CNTN5: variants seen among roughly 807,000 people sequenced by gnomAD.
CNTN5 encodes contactin-5.
In CNTN5, 77 loss-of-function variants were observed where a neutral mutation model predicts 129.1. The ratio of observed to expected loss-of-function variants is 0.60; its 90% CI spans 0.50 to 0.72. The LOEUF (loss-of-function observed/expected upper bound fraction) is 0.72. CNTN5 is among the 30% of genes least tolerant of loss of function. CNTN5 has a pLI of 0.00. For missense variants in CNTN5, 1,478 were observed against 1,328.8 expected (o/e 1.11, Z -1.75); for synonymous variants, 509 against 465.6 (o/e 1.09, Z -1.20).
At chr11:99,796,615 A>G (rs1945950195) in intron 3 of CNTN5, among the ~76,000 whole-genome samples, 1 of 151,288 alleles carries the variant, frequency 6.6e-6, no homozygotes, top group African/African-American at 2.4e-5. Context: ...GCACAGCCAG[A>G]CTGAAACTCC....
intron 2 of CNTN5, among the ~76,000 whole-genome samples, chr11:99,446,095 A>AC (rs1944058059): frequency 6.7e-6 from 1 of 149,448 alleles, no homozygotes; most frequent in Non-Finnish European, 1.5e-5. Context: ...TAAAAAAAAA[A>AC]AAAAAACAAC....
intron 2 of CNTN5, among the ~76,000 whole-genome samples, chr11:99,346,469 G>A (rs115715988): frequency 3.0e-4 from 46 of 152,200 alleles, no homozygotes; most frequent in African/African-American, 1.0e-3. Flanking sequence ...TGATTACTTC[G>A]CCATCCCTGG....
chr11:99,133,217 A>G (rs1027640851), intron 1 of CNTN5, among the ~76,000 whole-genome samples: 1 of 152,194 alleles, frequency 6.6e-6, no homozygotes, highest in African/African-American at 2.4e-5. Context: ...AGAAAATTGA[A>G]ACTGGGTTTC....
intron 6 of CNTN5, among the ~76,000 whole-genome samples, chr11:99,901,679 A>G (rs896025545): frequency 6.6e-6 from 1 of 152,188 alleles, no homozygotes; most frequent in African/African-American, 2.4e-5. Flanking sequence ...TTATTCATTC[A>G]GGAATATCTA....
At chr11:99,771,773 C>T in intron 3 of CNTN5, among the ~76,000 whole-genome samples, 1 of 151,914 alleles carries the variant, frequency 6.6e-6, no homozygotes, top group East Asian at 1.9e-4. Context: ...TTGAAATTTG[C>T]TAAGATGGTA....
At chr11:100,185,022 G>T (rs568414997) in intron 13 of CNTN5, among the ~76,000 whole-genome samples, 16 of 152,054 alleles carry the variant, frequency 1.1e-4, no homozygotes, top group African/African-American at 3.6e-4. Context: ...CTCTCCTGCC[G>T]CCATGTGAAG....
intron 6 of CNTN5, among the ~76,000 whole-genome samples, chr11:99,893,842 T>C (rs1177510043): frequency 1.3e-5 from 2 of 152,050 alleles, no homozygotes; most frequent in Non-Finnish European, 2.9e-5. Flanking sequence ...TATTTTGTCA[T>C]ATATTTGGCT....
intron 2 of CNTN5, among the ~76,000 whole-genome samples, chr11:99,528,418 A>G (rs1439499404): frequency 6.6e-6 from 1 of 152,220 alleles, no homozygotes; most frequent in African/African-American, 2.4e-5. Flanking sequence ...GCATATCACT[A>G]TGGTCAGTTA....
intron 2 of CNTN5, among the ~76,000 whole-genome samples, chr11:99,335,445 G>T (rs1050087466): frequency 2.0e-5 from 3 of 151,876 alleles, no homozygotes; most frequent in Admixed American, 2.0e-4. Flanking sequence ...AGTTGCTTTA[G>T]TCTGGATTTC....
At chr11:99,269,908 T>TA (rs1247286012) in intron 1 of CNTN5, among the ~76,000 whole-genome samples, 2 of 151,690 alleles carry the variant, frequency 1.3e-5, no homozygotes, top group Non-Finnish European at 2.9e-5. Flanking sequence ...TGGTAGTTGT[T>TA]ATGCTTTTCT....
At chr11:99,311,368 A>G (rs531478552) in intron 1 of CNTN5, among the ~76,000 whole-genome samples, 1 of 152,204 alleles carries the variant, frequency 6.6e-6, no homozygotes, top group Admixed American at 6.5e-5. Flanking sequence ...TTGTTCTACA[A>G]TTTGCTTTTT....
chr11:99,118,701 C>T (rs1858160337), intron 1 of CNTN5, among the ~76,000 whole-genome samples: 1 of 152,066 alleles, frequency 6.6e-6, no homozygotes, highest in African/African-American at 2.4e-5. Flanking sequence ...CATCTAATTA[C>T]ATCTAACACA....
chr11:100,101,217 G>C (rs762785603), intron 13 of CNTN5, among the ~76,000 whole-genome samples: 1 of 152,088 alleles, frequency 6.6e-6, no homozygotes, highest in Non-Finnish European at 1.5e-5. Flanking sequence ...TGGCATGTTG[G>C]TATATATGAG....
At chr11:99,992,318 A>C (rs1045838141) in intron 8 of CNTN5, among the ~76,000 whole-genome samples, 1 of 152,206 alleles carries the variant, frequency 6.6e-6, no homozygotes, top group Non-Finnish European at 1.5e-5. Flanking sequence ...GAGGAAAAAC[A>C]CTCAGCTCTG....
rs640884 is a variant in CNTN5, at chr11:99,613,364, G to C, written c.55+57095G>C. On this transcript the variant is annotated intron_variant, in intron 3 of 24. Coordinates refer to ENST00000524871, the MANE Select transcript of CNTN5 (RefSeq NM_014361.4). ...TCTTCCTGCAGTCTTGGGGAGAAGG[G>C]TCCTTGCTTCTCTTTCGCCTTCCGC... 1.2e-3 allele frequency among the ~76,000 whole-genome samples: 185 copies of C among 152,270 alleles called. 2 individuals carry two copies. The highest frequency in any genetic ancestry group is 2.4e-4 in the Non-Finnish European group (16 of 68,030).
At chr11:99,412,520 C>T (rs541578577) in intron 2 of CNTN5, among the ~76,000 whole-genome samples, 7 of 152,244 alleles carry the variant, frequency 4.6e-5, no homozygotes, top group South Asian at 4.1e-4. Context: ...TCATCATCAT[C>T]GTCATCATTG....
chr11:100,324,388 A>G, intron 21 of CNTN5, among the ~76,000 whole-genome samples: 1 of 152,200 alleles, frequency 6.6e-6, no homozygotes, highest in Non-Finnish European at 1.5e-5. Flanking sequence ...AAGCAGTTTC[A>G]AAAGATAAAT....
rs573681654 is a variant in CNTN5 at position 99,515,734 on chromosome 11, T to C, written c.-70-40411T>C. ...ACCATAAATGCATGTGTTTTCTAGA[T>C]GCATTTATGCTGTTTTATTTCTATA... On this transcript the variant is annotated intron_variant, in intron 2 of 24. Coordinates refer to ENST00000524871, the MANE Select transcript of CNTN5 (RefSeq NM_014361.4). Among the ~76,000 whole-genome samples, 139 of 152,156 alleles carry C rather than the reference T, an allele frequency of 9.1e-4. 3 individuals are homozygous for C. The South Asian group carries it at 0.016, about 18-fold the overall frequency.
intron 11 of CNTN5, among the ~76,000 whole-genome samples, chr11:100,071,364 G>T (rs1251316264): frequency 2.0e-5 from 3 of 151,900 alleles, no homozygotes; most frequent in Admixed American, 2.0e-4. Flanking sequence ...CTTTCCCTTT[G>T]TAAACGGAAT....
Sources: allele counts gnomAD v4.1 joint callset (sites outside exome capture counted in the v4.1 genomes callset), GRCh38; gene constraint gnomAD v4.1.1; transcripts MANE v1.5; gene names NCBI Gene and HGNC (gene_info 2026-07-23, HGNC 2026-07-21).